TMIGD3: variants seen among roughly 807,000 people sequenced by gnomAD.
The protein encoded by TMIGD3 is AD026 protein (AD026).
In TMIGD3, 21 loss-of-function variants were observed where a neutral mutation model predicts 28.1. The ratio of observed to expected loss-of-function variants is 0.75; its 90% CI spans 0.53 to 1.08. The LOEUF (loss-of-function observed/expected upper bound fraction) is 1.08. Among genes scored for constraint, TMIGD3 ranks in the 50% least tolerant of loss-of-function variants. The pLI, the probability that TMIGD3 is intolerant of heterozygous loss-of-function variation, is 0.00. For synonymous variants in TMIGD3, 151 were observed against 162.1 expected, an observed-to-expected ratio of 0.93 and a Z score of 0.52; for missense variants, 416 against 435.6, an observed-to-expected ratio of 0.96 and a Z score of 0.40.
chr1:111,489,810 C>T, intron 2 of TMIGD3: 1 of 948,866 alleles, frequency 1.1e-6, no homozygotes, highest in Non-Finnish European at 1.3e-6. Flanking sequence ...CTTCATGTTC[C>T]CTCCGTACAA....
At chr1:111,486,315 CCT>C (rs1312043688) in intron 4 of TMIGD3, among the ~76,000 whole-genome samples, 5 of 152,086 alleles carry the variant, frequency 3.3e-5, no homozygotes, top group Non-Finnish European at 7.3e-5. Flanking sequence ...ATTTGAAACA[CCT>C]CTCTCTCCTT....
At chr1:111,563,904 C>G (rs745791299) in exon 1 of TMIGD3, 2 of 1,613,886 alleles carry the variant, frequency 1.2e-6, no homozygotes, top group Non-Finnish European at 1.7e-6. Context: ...CAGGAGCTTT[C>G]CCACCTGGCC....
intron 5 of TMIGD3, among the ~76,000 whole-genome samples, chr1:111,484,326 A>G (rs963721226): frequency 8.5e-5 from 13 of 152,128 alleles, no homozygotes; most frequent in Non-Finnish European, 1.6e-4. Context: ...TTTTTTGTTG[A>G]ACTAACGAAT....
chr1:111,494,225 C>A (rs1654790464), intron 1 of TMIGD3, among the ~76,000 whole-genome samples: 1 of 152,136 alleles, frequency 6.6e-6, no homozygotes, highest in South Asian at 2.1e-4. Context: ...AGCAGTCAGG[C>A]AAGAGACATA....
chr1:111,514,980 CA>C (rs1051725964), intron 1 of TMIGD3, among the ~76,000 whole-genome samples: 3 of 152,222 alleles, frequency 2.0e-5, no homozygotes, highest in Admixed American at 1.3e-4. Context: ...GCACTGCTAG[CA>C]AAGGGCAGAG....
chr1:111,552,817 A>T (rs1657323003), intron 1 of TMIGD3, among the ~76,000 whole-genome samples: 1 of 152,228 alleles, frequency 6.6e-6, no homozygotes, highest in Non-Finnish European at 1.5e-5. Flanking sequence ...ATGGGATAAT[A>T]AAAGTATTGC....
intron 1 of TMIGD3, among the ~76,000 whole-genome samples, chr1:111,495,716 A>C (rs1181075545): frequency 6.6e-6 from 1 of 152,200 alleles, no homozygotes; most frequent in African/African-American, 2.4e-5. Context: ...TGACACATAC[A>C]TGTGTATGTT....
At chr1:111,563,867 C>T in exon 1 of TMIGD3, 4 of 1,613,362 alleles carry the variant, frequency 2.5e-6, no homozygotes, top group Non-Finnish European at 3.4e-6. Flanking sequence ...ACTCAAGCAG[C>T]CCAGTGTCCA....
intron 1 of TMIGD3, among the ~76,000 whole-genome samples, chr1:111,493,813 C>CT: frequency 6.6e-6 from 1 of 152,324 alleles, no homozygotes; most frequent in East Asian, 1.9e-4. Context: ...AAACATTGTG[C>CT]TGCTTTCCCA....
chr1:111,499,855 A>T, intron 1 of TMIGD3: 1 of 1,542,104 alleles, frequency 6.5e-7, no homozygotes, highest in Admixed American at 2.0e-5. Flanking sequence ...GTAATCAAGG[A>T]TGTAAAAATC....
At chr1:111,563,867 C>A (rs752898423) in exon 1 of TMIGD3, 12 of 1,613,362 alleles carry the variant, frequency 7.4e-6, no homozygotes, top group Non-Finnish European at 1.0e-5. Flanking sequence ...ACTCAAGCAG[C>A]CCAGTGTCCA....
intron 3 of TMIGD3, among the ~76,000 whole-genome samples, chr1:111,487,429 C>T (rs530102917): frequency 2.0e-5 from 3 of 152,200 alleles, no homozygotes; most frequent in Non-Finnish European, 4.4e-5. Flanking sequence ...TGTTTTCCTA[C>T]CAGCATTGTG....
chr1:111,556,122 G>A (rs748187844), intron 1 of TMIGD3, among the ~76,000 whole-genome samples: 3 of 152,042 alleles, frequency 2.0e-5, no homozygotes, highest in Non-Finnish European at 4.4e-5. Context: ...TTCAGTAAAC[G>A]TTTCTCCAAA....
At chr1:111,537,771 C>A (rs188919666) in intron 1 of TMIGD3, among the ~76,000 whole-genome samples, 17 of 152,232 alleles carry the variant, frequency 1.1e-4, no homozygotes, top group African/African-American at 3.9e-4. Flanking sequence ...TTTTACCAAG[C>A]CTGAAGGTAT....
chr1:111,500,853 T>G (rs999804520), intron 1 of TMIGD3: 5 of 494,238 alleles, frequency 1.0e-5, no homozygotes, highest in African/African-American at 9.5e-5. Flanking sequence ...TAGAGTCAAG[T>G]GCTTACGTGC....
chr1:111,524,942 T>A (rs1656214724), intron 1 of TMIGD3, among the ~76,000 whole-genome samples: 1 of 152,206 alleles, frequency 6.6e-6, no homozygotes, highest in South Asian at 2.1e-4. Flanking sequence ...TTTGATTTTT[T>A]CTTTGACTTG....
chr1:111,551,664 C>T (rs1480893660), intron 1 of TMIGD3, among the ~76,000 whole-genome samples: 1 of 152,060 alleles, frequency 6.6e-6, no homozygotes, highest in African/African-American at 2.4e-5. Flanking sequence ...AACAAAAATA[C>T]ATTAATAACA....
intron 1 of TMIGD3, among the ~76,000 whole-genome samples, chr1:111,560,930 C>T (rs1041330990): frequency 3.3e-5 from 5 of 152,164 alleles, no homozygotes; most frequent in Non-Finnish European, 7.4e-5. Context: ...CTGTAACAAC[C>T]GCACCAGATC....
intron 1 of TMIGD3, among the ~76,000 whole-genome samples, chr1:111,551,626 A>G (rs1467998517): frequency 2.6e-5 from 4 of 152,188 alleles, no homozygotes; most frequent in Non-Finnish European, 5.9e-5. Flanking sequence ...GCTGTCTTTT[A>G]AATCAGATTT....
Sources: allele counts gnomAD v4.1 joint callset (sites outside exome capture counted in the v4.1 genomes callset), GRCh38; gene constraint gnomAD v4.1.1; transcripts MANE v1.5; gene names NCBI Gene and HGNC (gene_info 2026-07-23, HGNC 2026-07-21).